CNBD1: variants seen among roughly 807,000 people sequenced by gnomAD.
CNBD1 encodes cyclic nucleotide-binding domain-containing protein 1.
Under a neutral mutation model 54.4 loss-of-function variants are expected in CNBD1, and 71 were observed. That is an observed-to-expected ratio of 1.30 (90% CI 1.08 to 1.59). The LOEUF (loss-of-function observed/expected upper bound fraction) is 1.59. Ranked by LOEUF, CNBD1 falls within the 40% of genes most tolerant of loss-of-function variation. The probability of loss-of-function intolerance (pLI) is 0.00; values close to 1 mark genes in which losing one functional copy is unlikely to be tolerated. For missense variants in CNBD1, 659 were observed against 518.0 expected, an observed-to-expected ratio of 1.27 and a Z score of -2.64; for synonymous variants, 182 against 170.7, an observed-to-expected ratio of 1.07 and a Z score of -0.51.
chr8:86,985,469 G>A (rs1808586091), intron 4 of CNBD1, among the ~76,000 whole-genome samples: 1 of 152,094 alleles, frequency 6.6e-6, no homozygotes, highest in Non-Finnish European at 1.5e-5. Context: ...CCATTTATAA[G>A]TGAGAAACAT....
intron 4 of CNBD1, among the ~76,000 whole-genome samples, chr8:87,010,283 C>A (rs376618713): frequency 1.5e-4 from 23 of 151,782 alleles, no homozygotes; most frequent in Admixed American, 1.4e-3. Flanking sequence ...GTTCCTGACA[C>A]GATTTTTTTT....
At chr8:87,127,302 C>T (rs1647146421) in intron 4 of CNBD1, among the ~76,000 whole-genome samples, 1 of 151,976 alleles carries the variant, frequency 6.6e-6, no homozygotes, top group South Asian at 2.1e-4. Flanking sequence ...CAATATAGCT[C>T]TCCATTTATT....
At chr8:87,193,881 A>G (rs576977383) in intron 4 of CNBD1, among the ~76,000 whole-genome samples, 1 of 152,312 alleles carries the variant, frequency 6.6e-6, no homozygotes, top group African/African-American at 2.4e-5. Flanking sequence ...AGTTTAACGG[A>G]TAAAATAAAA....
chr8:87,132,964 A>G (rs1019647498), intron 4 of CNBD1, among the ~76,000 whole-genome samples: 3 of 151,366 alleles, frequency 2.0e-5, no homozygotes, highest in Non-Finnish European at 3.0e-5. Context: ...CTTTCTCTAA[A>G]TTGAACAATA....
downstream of CNBD1, among the ~76,000 whole-genome samples, chr8:87,387,479 T>C (rs184039296): frequency 6.6e-6 from 1 of 152,058 alleles, no homozygotes; most frequent in African/African-American, 2.4e-5. Flanking sequence ...AAACAGACTT[T>C]AAACCAACAA....
At chr8:87,018,266 C>CA (rs1160511774) in intron 4 of CNBD1, among the ~76,000 whole-genome samples, 1 of 152,054 alleles carries the variant, frequency 6.6e-6, no homozygotes, top group African/African-American at 2.4e-5. Context: ...AAAAACAAAA[C>CA]AAAAAAATTG....
intron 10 of CNBD1, among the ~76,000 whole-genome samples, chr8:87,360,071 G>A (rs1810497049): frequency 6.6e-6 from 1 of 151,848 alleles, no homozygotes; most frequent in African/African-American, 2.4e-5. Context: ...TTGGTCTTAT[G>A]TAAATCATGT....
At chr8:87,321,230 T>C (rs923811399) in intron 8 of CNBD1, among the ~76,000 whole-genome samples, 1 of 149,624 alleles carries the variant, frequency 6.7e-6, no homozygotes, top group East Asian at 1.9e-4. Flanking sequence ...TAGTTCTATT[T>C]TTAATTTTTT....
At chr8:87,062,412 G>T (rs1810565215) in intron 4 of CNBD1, among the ~76,000 whole-genome samples, 1 of 152,054 alleles carries the variant, frequency 6.6e-6, no homozygotes, top group Non-Finnish European at 1.5e-5. Flanking sequence ...CTAATATTTT[G>T]ATTGCTTACT....
chr8:87,169,491 C>T (rs909265228), intron 4 of CNBD1, among the ~76,000 whole-genome samples: 9 of 151,992 alleles, frequency 5.9e-5, no homozygotes, highest in African/African-American at 1.9e-4. Context: ...CCACCCTAAC[C>T]TCCTCGAGAT....
At chr8:87,276,135 G>A (rs1225084310) in intron 6 of CNBD1, among the ~76,000 whole-genome samples, 3 of 151,800 alleles carry the variant, frequency 2.0e-5, no homozygotes, top group Non-Finnish European at 4.4e-5. Context: ...TATAGTATAG[G>A]CATTGGAGAG....
chr8:87,001,552 T>C (rs1177304373), intron 4 of CNBD1, among the ~76,000 whole-genome samples: 1 of 152,168 alleles, frequency 6.6e-6, no homozygotes, highest in Non-Finnish European at 1.5e-5. Context: ...AGCTGTTCTT[T>C]CTAATGAGCT....
At chr8:87,210,532 A>G (rs533551551) in intron 5 of CNBD1, among the ~76,000 whole-genome samples, 2 of 152,304 alleles carry the variant, frequency 1.3e-5, no homozygotes, top group South Asian at 4.1e-4. Flanking sequence ...CCTGGCACAG[A>G]ACCCTGCTGC....
intron 1 of CNBD1, among the ~76,000 whole-genome samples, chr8:86,873,972 G>GA (rs1446784580): frequency 6.6e-6 from 1 of 152,096 alleles, no homozygotes; most frequent in Non-Finnish European, 1.5e-5. Flanking sequence ...AATTAACATT[G>GA]ATACATTACT....
intron 6 of CNBD1, among the ~76,000 whole-genome samples, chr8:87,241,425 C>T (rs981938559): frequency 1.8e-4 from 28 of 152,030 alleles, no homozygotes; most frequent in African/African-American, 3.4e-4. Context: ...GGCCTGCCAC[C>T]ACGCCTGGCT....
At chr8:87,084,903 A>C (rs1173773958) in intron 4 of CNBD1, among the ~76,000 whole-genome samples, 1 of 152,082 alleles carries the variant, frequency 6.6e-6, no homozygotes, top group African/African-American at 2.4e-5. Flanking sequence ...TCGAACTCCC[A>C]ACCTCAGGTG....
At chr8:87,423,870 C>T (rs1270936407) in intron 2 of CNBD1, among the ~76,000 whole-genome samples, 3 of 152,180 alleles carry the variant, frequency 2.0e-5, no homozygotes, top group Non-Finnish European at 4.4e-5. Context: ...CCTCCTTGTA[C>T]CTCTGGTAGA....
intron 4 of CNBD1, among the ~76,000 whole-genome samples, chr8:87,090,321 G>A (rs1231413995): frequency 1.3e-5 from 2 of 152,104 alleles, no homozygotes; most frequent in Non-Finnish European, 2.9e-5. Context: ...ACTGTCTTGT[G>A]TGGCAAAAAT....
At chr8:87,263,113 C>A (rs2130850661) in intron 6 of CNBD1, among the ~76,000 whole-genome samples, 1 of 152,142 alleles carries the variant, frequency 6.6e-6, no homozygotes, top group South Asian at 2.1e-4. Flanking sequence ...AAAGAATGAT[C>A]AAAATTGTGA....
Sources: allele counts gnomAD v4.1 joint callset (sites outside exome capture counted in the v4.1 genomes callset), GRCh38; gene constraint gnomAD v4.1.1; transcripts MANE v1.5; gene names NCBI Gene and HGNC (gene_info 2026-07-23, HGNC 2026-07-21).